Variants in OR2L5 observed in about 807,000 individuals in gnomAD.
OR2L5 encodes the protein olfactory receptor family 2 subfamily L member 5.
For synonymous variants in OR2L5, 169 were observed against 142.0 expected (o/e 1.19, Z -1.35); for missense variants, 413 against 381.6 (o/e 1.08, Z -0.69).
At chr1:248,020,949 C>T (rs540668151) in intron 1 of OR2L5, among the ~76,000 whole-genome samples, 68 of 151,566 alleles carry the variant, frequency 4.5e-4, no homozygotes, top group African/African-American at 1.6e-3. Context: ...AAAGACAATT[C>T]AAGAAGGAAA....
intron 1 of OR2L5, among the ~76,000 whole-genome samples, chr1:248,014,233 G>A (rs1395551455): frequency 6.6e-6 from 1 of 151,986 alleles, no homozygotes; most frequent in African/African-American, 2.4e-5. Flanking sequence ...GAAATATGTA[G>A]AAACAACTAG....
At position 248,023,981 on chromosome 1, in the gene OR2L5, C is replaced by T. The variant is rs1298809591; in HGVS notation, c.*1095C>T. 1 of 152,078 alleles carries T rather than the reference C, an allele frequency of 6.6e-6. No homozygotes were observed. Among genetic ancestry groups the T allele is most frequent in the Non-Finnish European group, 1.5e-5 (1 of 68,012 alleles). The allele number at this position is 152,078 out of a possible 1,614,324, so 9.4% of individuals were successfully genotyped here. A position where few individuals can be genotyped will look rare whatever the true frequency, so the allele number is the denominator to read the frequency against. On this transcript the variant is annotated 3_prime_UTR_variant, in exon 2 of 2. Coordinates refer to ENST00000355281, the MANE Select transcript of OR2L5 (RefSeq NM_001258284.2). The stretch of plus-strand genomic sequence containing the variant: ...ATTAAAGTGCATAAAAACTATTTAT[C>T]TGAAGAATAACATCATGTGATCAGA...
At position 248,022,581 on chromosome 1, in the gene OR2L5, G is replaced by A. The variant is rs55982561; in HGVS notation, c.634G>A (p.Gly212Ser). Residue 212 changes from glycine (G) to serine (S), a missense_variant, in exon 2 of 2, where the codon GGC becomes AGC. Transcript: ENST00000355281. ...STIFLVFPFT[G>S]IACSYGWVLL... is the part of the protein sequence containing the mutation. ...CATCTTTCTTGTGTTTCCCTTCACT[G>A]GCATTGCGTGTTCCTATGGCTGGGT... 0.031 allele frequency: 50,055 copies of A among 1,614,080 alleles called. 937 individuals are homozygous for A. The highest frequency in any genetic ancestry group is 0.046 in the Middle Eastern group (281 of 6,062).
chr1:248,018,018 G>A (rs1302086234), intron 1 of OR2L5, among the ~76,000 whole-genome samples: 5 of 152,012 alleles, frequency 3.3e-5, no homozygotes, highest in African/African-American at 7.3e-5. Context: ...AGCCTGGCGT[G>A]GTGGTGGGCC....
rs150954061 is a variant in OR2L5, at chr1:248,017,314, T to A, written c.-22+3576T>A. On this transcript the variant is annotated intron_variant, in intron 1 of 1. Transcript: ENST00000355281. ...GTCCTCTTCACATTACTGAAACAGA[T>A]GTATAATGGCTGAGACTGCTTCCTC... Among the ~76,000 whole-genome samples the A allele has an allele frequency of 2.2e-4, 33 of 152,336 alleles. No homozygotes were observed. In the East Asian group the frequency reaches 5.8e-3, roughly 27 times the overall value.
intron 1 of OR2L5, among the ~76,000 whole-genome samples, chr1:248,015,106 A>G (rs1285947029): frequency 6.6e-6 from 1 of 152,192 alleles, no homozygotes; most frequent in Admixed American, 6.5e-5. Flanking sequence ...CATACACACA[A>G]GCAAATATTC....
chr1:248,013,930 A>T (rs1011060905), intron 1 of OR2L5, among the ~76,000 whole-genome samples, 192 bp downstream of exon 1: 1 of 152,124 alleles, frequency 6.6e-6, no homozygotes, highest in Non-Finnish European at 1.5e-5. Context: ...TTTTGCCGCT[A>T]ATTCATAAAT....
At chr1:248,014,201 A>T (rs1270762082) in intron 1 of OR2L5, among the ~76,000 whole-genome samples, 1 of 152,132 alleles carries the variant, frequency 6.6e-6, no homozygotes, top group Non-Finnish European at 1.5e-5. Flanking sequence ...ATTTCACCTC[A>T]TATGAATCCA....
chr1:248,014,292 G>A (rs577443604), intron 1 of OR2L5, among the ~76,000 whole-genome samples: 1 of 152,212 alleles, frequency 6.6e-6, no homozygotes, highest in East Asian at 1.9e-4. Flanking sequence ...CAGAATGAGA[G>A]TGGTTAAAAT....
chr1:248,016,476 TAAG>T (rs1412157246), intron 1 of OR2L5, among the ~76,000 whole-genome samples: 1 of 152,158 alleles, frequency 6.6e-6, no homozygotes, highest in Non-Finnish European at 1.5e-5. Context: ...TGAGGAAACA[TAAG>T]AAGTTTAAAT....
At chr1:248,020,253 G>A (rs1291279999) in intron 1 of OR2L5, among the ~76,000 whole-genome samples, 1 of 152,168 alleles carries the variant, frequency 6.6e-6, no homozygotes, top group African/African-American at 2.4e-5. Context: ...AAGAAATAAA[G>A]AGCATCCAAA....
chr1:248,017,863 GGTAGA>G (rs1020935327), intron 1 of OR2L5, among the ~76,000 whole-genome samples: 10 of 152,238 alleles, frequency 6.6e-5, no homozygotes, highest in East Asian at 3.9e-4. Flanking sequence ...GTGTCTGGTG[GGTAGA>G]GTAAAGGATA....
intron 1 of OR2L5, 144 bp downstream of exon 1, chr1:248,013,882 G>A (rs1662131448): frequency 6.6e-6 from 1 of 152,132 alleles, no homozygotes; most frequent in African/African-American, 2.4e-5. Flanking sequence ...AAATTCAGCA[G>A]AAATTTTGGA....
chr1:248,015,813 G>A (rs970369373), intron 1 of OR2L5, among the ~76,000 whole-genome samples: 1 of 152,098 alleles, frequency 6.6e-6, no homozygotes, highest in Non-Finnish European at 1.5e-5. Flanking sequence ...CTATGCAAAT[G>A]ATCATACCAA....
chr1:248,020,479 C>A (rs1235252843), intron 1 of OR2L5, among the ~76,000 whole-genome samples: 1 of 152,172 alleles, frequency 6.6e-6, no homozygotes, highest in Non-Finnish European at 1.5e-5. Context: ...ACAGAATACA[C>A]ATCCTGCTGG....
intron 1 of OR2L5, among the ~76,000 whole-genome samples, chr1:248,017,067 G>A (rs1662217153): frequency 2.0e-5 from 3 of 152,090 alleles, no homozygotes; most frequent in Non-Finnish European, 4.4e-5. Context: ...TTTCCTAATC[G>A]CTGTGAAACT....
chr1:248,015,495 A>G (rs1229542256), intron 1 of OR2L5, among the ~76,000 whole-genome samples: 1 of 152,164 alleles, frequency 6.6e-6, no homozygotes, highest in African/African-American at 2.4e-5. Flanking sequence ...CTGACTTACG[A>G]AGTCAATGAC....
intron 1 of OR2L5, among the ~76,000 whole-genome samples, chr1:248,014,009 C>A (rs1662135071): frequency 6.6e-6 from 1 of 152,030 alleles, no homozygotes; most frequent in African/African-American, 2.4e-5. Flanking sequence ...TTAAACTATG[C>A]TTTTTTGGGC....
intron 1 of OR2L5, among the ~76,000 whole-genome samples, chr1:248,020,119 T>C (rs894161474): frequency 6.6e-6 from 1 of 152,170 alleles, no homozygotes; most frequent in Non-Finnish European, 1.5e-5. Context: ...TCTGGCTTTA[T>C]ACCAATGCCA....
Sources: gnomAD v4.1 joint callset for allele counts (sites outside exome capture counted in the v4.1 genomes callset) on GRCh38, gnomAD v4.1.1 for gene constraint, MANE v1.5 for transcripts, NCBI Gene and HGNC (gene_info 2026-07-23, HGNC 2026-07-21) for gene names.